Variants in ZNF16 observed in about 807,000 individuals in gnomAD.
The protein encoded by ZNF16 is zinc finger protein KOX9.
In ZNF16, 7 loss-of-function variants were observed where a neutral mutation model predicts 9.0. That is an observed-to-expected ratio of 0.78 (90% CI 0.44 to 1.47). The LOEUF (loss-of-function observed/expected upper bound fraction) is 1.47, where lower values mean the gene tolerates loss of function less well. Among genes scored for constraint, ZNF16 ranks in the 40% most tolerant of loss-of-function variants. ZNF16 has a pLI of 0.01. For synonymous variants in ZNF16, 312 were observed against 301.5 expected (o/e 1.03, Z -0.36); for missense variants, 830 against 854.2 (o/e 0.97, Z 0.35).
At chr8:144,947,328 A>G (rs75218335) in intron 1 of ZNF16, among the ~76,000 whole-genome samples, 35 of 77,120 alleles carry the variant, frequency 4.5e-4, no homozygotes, top group Admixed American at 1.6e-3. Flanking sequence ...GCGGGCCTGT[A>G]TCCTGCTGTG....
intron 1 of ZNF16, 69 bp downstream of exon 1, chr8:144,950,728 C>CT (rs1197332013): frequency 2.6e-5 from 4 of 152,078 alleles, no homozygotes; most frequent in Non-Finnish European, 4.4e-5. Context: ...GCCCCTGGGC[C>CT]CCCCAACCAC....
At position 144,932,847 on chromosome 8, in the gene ZNF16, G is replaced by A. The variant is rs768379692; in HGVS notation, c.197-257C>T. On this transcript the variant is annotated intron_variant, in intron 2 of 2. Transcript: ENST00000394909. The surrounding 1 kb of genome is among the most constrained non-coding windows in gnomAD (Gnocchi z 5.0). ...CCTGGGACTCCACATCTCAGCAAAC[G>A]TTACTGCGGTCTACCTTCTGGCTCA... is the stretch of plus-strand genomic sequence containing the variant. 2.6e-5 allele frequency among the ~76,000 whole-genome samples: 4 copies of A among 152,086 alleles called. No homozygotes were observed. Among genetic ancestry groups the A allele is most frequent in the African/African-American group, 7.2e-5 (3 of 41,400 alleles).
intron 2 of ZNF16, among the ~76,000 whole-genome samples, chr8:144,936,132 C>T (rs929959363): frequency 3.3e-5 from 5 of 152,168 alleles, no homozygotes; most frequent in Non-Finnish European, 7.3e-5. Flanking sequence ...TCTGTGTCTA[C>T]GAATTTACCT....
At chr8:144,945,822 G>T in intron 2 of ZNF16, 189 bp downstream of exon 2, 2 of 1,174,082 alleles carry the variant, frequency 1.7e-6, no homozygotes, top group Non-Finnish European at 2.3e-6. Context: ...TCACAGTTCT[G>T]CTCAAGGTGC....
intron 2 of ZNF16, among the ~76,000 whole-genome samples, chr8:144,938,677 T>C (rs1306685811): frequency 6.6e-6 from 1 of 152,230 alleles, no homozygotes; most frequent in Non-Finnish European, 1.5e-5. Flanking sequence ...ATTTCATATA[T>C]ACGGATTCAC....
intron 1 of ZNF16, among the ~76,000 whole-genome samples, chr8:144,949,467 A>C (rs186227020): frequency 6.6e-6 from 1 of 152,224 alleles, no homozygotes; most frequent in South Asian, 2.1e-4. Context: ...AGAAAGAAAG[A>C]TCAGACTGTT....
chr8:144,940,291 G>GGCTGGTCTCGAACT (rs1193471704), intron 2 of ZNF16, among the ~76,000 whole-genome samples: 3 of 152,112 alleles, frequency 2.0e-5, no homozygotes, highest in African/African-American at 4.8e-5. Context: ...ATGTTGCCCA[G>GGCTGGTCTCGAACT]GCTGGTCTCG....
chr8:144,942,983 C>T (rs964526416), intron 2 of ZNF16, among the ~76,000 whole-genome samples: 7 of 152,214 alleles, frequency 4.6e-5, no homozygotes, highest in African/African-American at 1.4e-4. Context: ...AGTGTTCTTT[C>T]ATTTCAACCT....
chr8:144,945,935 T>G (rs1049347627), intron 2 of ZNF16, 76 bp downstream of exon 2: 29 of 1,574,410 alleles, frequency 1.8e-5, no homozygotes, highest in Non-Finnish European at 2.3e-5. Flanking sequence ...AGATGCCTCC[T>G]AGGGGTAAGC....
intron 2 of ZNF16, among the ~76,000 whole-genome samples, chr8:144,934,023 G>A (rs552160217): frequency 2.8e-4 from 43 of 152,296 alleles, no homozygotes; most frequent in South Asian, 6.2e-4. Flanking sequence ...ACCTTGCGGC[G>A]TCCACTCTGC....
At position 144,931,686 on chromosome 8, in the gene ZNF16, G is replaced by T; in HGVS notation, c.1101C>A (p.His367Gln). The change falls in exon 3 of 3, where the codon CAC becomes CAA. Residue 367 changes from histidine (H) to glutamine (Q), a missense_variant. Transcript: ENST00000394909. ...GCTTCTCTCCTGTGTGAGTCCTGTG[G>T]TGTTTGATGAGGTTTGAGCTTCGCC... ...AFRRSSNLIK[H>Q]HRTHTGEKPF... The T allele has an allele frequency of 6.2e-7, 1 of 1,613,504 alleles. No homozygotes were observed. The highest frequency in any genetic ancestry group is 8.5e-7 in the Non-Finnish European group (1 of 1,179,616).
rs564481615 is a variant in ZNF16 at position 144,938,500 on chromosome 8, TA to T, written c.197-5911del. Among the ~76,000 whole-genome samples the T allele has an allele frequency of 1.5e-4, 23 of 152,364 alleles. No homozygotes were observed. The East Asian group carries it at 4.2e-3, about 28-fold the overall frequency. Reference sequence around the variant, plus strand: ...CTTGGTCAAATTTAGTCCTAGGTTTTAATTTTCCCTATTGATGCTATTGTAT... The same window carrying T: ...CTTGGTCAAATTTAGTCCTAGGTTTTATTTTCCCTATTGATGCTATTGTAT... On this transcript the variant is annotated intron_variant, in intron 2 of 2. Coordinates refer to ENST00000394909, the MANE Select transcript of ZNF16 (RefSeq NM_006958.3).
intron 1 of ZNF16, among the ~76,000 whole-genome samples, chr8:144,950,100 T>C (rs553683236): frequency 6.6e-6 from 1 of 152,180 alleles, no homozygotes; most frequent in Admixed American, 6.5e-5. Flanking sequence ...CTGAGATGTT[T>C]GGGTGGAGAG....
chr8:144,935,699 T>C (rs1431742241), intron 2 of ZNF16, among the ~76,000 whole-genome samples: 3 of 152,242 alleles, frequency 2.0e-5, no homozygotes, highest in African/African-American at 7.2e-5. Context: ...ACTTTTACGA[T>C]GAGTGACCTC....
intron 2 of ZNF16, among the ~76,000 whole-genome samples, chr8:144,940,136 T>C (rs985631404): frequency 4.6e-5 from 7 of 152,132 alleles, no homozygotes; most frequent in African/African-American, 1.7e-4. Context: ...TGGAATGCAG[T>C]GGCATGATCT....
intron 2 of ZNF16, among the ~76,000 whole-genome samples, chr8:144,942,289 T>A (rs1358200610): frequency 6.7e-6 from 1 of 149,686 alleles, no homozygotes; most frequent in Admixed American, 6.6e-5. Context: ...ATTTTTAAGA[T>A]TTTTTTTTGA....
At chr8:144,946,357 A>ATGC (rs1444603581) in intron 1 of ZNF16, 142 bp from the exon 2 acceptor site, 1 of 788,268 alleles carries the variant, frequency 1.3e-6, no homozygotes, top group East Asian at 2.9e-5. Context: ...TCAGGGGCTG[A>ATGC]TGCTGTGTTT....
chr8:144,939,452 T>G (rs939750368), intron 2 of ZNF16, among the ~76,000 whole-genome samples: 1 of 151,952 alleles, frequency 6.6e-6, no homozygotes, highest in African/African-American at 2.4e-5. Flanking sequence ...AAAAATTAGC[T>G]GGGCATAGTG....
At chr8:144,934,469 T>A (rs1268544269) in intron 2 of ZNF16, among the ~76,000 whole-genome samples, 4 of 152,252 alleles carry the variant, frequency 2.6e-5, no homozygotes, top group Non-Finnish European at 5.9e-5. Context: ...ATGTCCCCCA[T>A]GAGCTTCAGC....
Sources: gnomAD v4.1 joint callset for allele counts (sites outside exome capture counted in the v4.1 genomes callset) on GRCh38, gnomAD v4.1.1 for gene constraint, Gnocchi (gnomAD v3.1) non-coding constraint, MANE v1.5 for transcripts, NCBI Gene and HGNC (gene_info 2026-07-23, HGNC 2026-07-21) for gene names.